ANKRD54: variants seen among roughly 807,000 people sequenced by gnomAD.
The protein encoded by ANKRD54 is ankyrin repeat domain 54, also known as ankyrin repeat domain-containing protein 54.
A neutral mutation model predicts 36.2 loss-of-function variants in ANKRD54; 26 were observed. The observed-to-expected ratio is 0.72, with a 90% confidence interval of 0.53 to 1.00. ANKRD54 has a LOEUF of 1.00. ANKRD54 is among the 50% of genes least tolerant of loss of function. The pLI is 0.00. For synonymous variants in ANKRD54, 209 were observed against 188.4 expected (o/e 1.11, Z -0.89); for missense variants, 384 against 424.3 (o/e 0.91, Z 0.83).
In ANKRD54 at chr22:37,844,179, C is replaced by T. The variant is rs1027210345; in HGVS notation, c.60G>A (p.Glu20=). The T allele has an allele frequency of 4.6e-6, 7 of 1,508,248 alleles. No individual in the cohort carries two copies. In the African/African-American group the frequency reaches 8.7e-5, roughly 19 times the overall value. 93.4% of individuals were successfully genotyped at this position (1,508,248 alleles called of 1,614,324 possible). Residue 20 remains glutamate, a synonymous_variant, in exon 1 of 8, where the codon GAG becomes GAA. Transcript: ENST00000215941. ...DEPRSGHSSS[E]GECAVAPEPL... ...GCTCCGGCGCCACCGCGCACTCGCC[C>T]TCCGAGCTCGAGTGGCCTGAGCGCG...
intron 1 of ANKRD54, among the ~76,000 whole-genome samples, chr22:37,842,661 T>C (rs1164580490): frequency 6.6e-6 from 1 of 152,206 alleles, no homozygotes; most frequent in African/African-American, 2.4e-5. Context: ...TGGTCAAAAA[T>C]TGCAATTCAG....
At chr22:37,836,402 C>T (rs1464595362) in intron 3 of ANKRD54, among the ~76,000 whole-genome samples, 6 of 141,226 alleles carry the variant, frequency 4.2e-5, no homozygotes, top group African/African-American at 1.3e-4. Context: ...GCCGAGATCA[C>T]GCCATTGCAC....
intron 3 of ANKRD54, 79 bp from the exon 4 acceptor site, chr22:37,833,834 G>T: frequency 7.3e-7 from 1 of 1,376,216 alleles, no homozygotes. Flanking sequence ...AGCTAGAGAG[G>T]CTGGCTCAGA....
intron 3 of ANKRD54, among the ~76,000 whole-genome samples, chr22:37,836,711 A>G (rs1923594034): frequency 6.6e-6 from 1 of 151,466 alleles, no homozygotes; most frequent in Non-Finnish European, 1.5e-5. Flanking sequence ...CGTTCTGCAC[A>G]TGCATCCCAG....
intron 3 of ANKRD54, among the ~76,000 whole-genome samples, chr22:37,835,672 G>T (rs1315381038): frequency 1.3e-5 from 2 of 152,098 alleles, no homozygotes; most frequent in East Asian, 3.9e-4. Flanking sequence ...TGGGCTTGGT[G>T]GTGTGCACCT....
At chr22:37,837,207 G>A (rs1438131620) in intron 3 of ANKRD54, among the ~76,000 whole-genome samples, 2 of 152,106 alleles carry the variant, frequency 1.3e-5, no homozygotes, top group East Asian at 3.9e-4. Context: ...GTGGGGAGTG[G>A]GAGTGTGTGT....
chr22:37,844,347 G>A (rs1168994923), upstream of ANKRD54: 11 of 1,315,742 alleles, frequency 8.4e-6, no homozygotes, highest in Middle Eastern at 1.9e-4. Context: ...CGGGCGGGCA[G>A]GGCCCGCAAC....
chr22:37,841,210 GC>G (rs1362892080), intron 1 of ANKRD54, among the ~76,000 whole-genome samples: 1 of 151,950 alleles, frequency 6.6e-6, no homozygotes, highest in African/African-American at 2.4e-5. Context: ...TGGCCAACAT[GC>G]TGAAACCCCA....
chr22:37,844,938 T>G (rs999933569), upstream of ANKRD54, among the ~76,000 whole-genome samples: 6 of 148,544 alleles, frequency 4.0e-5, no homozygotes, highest in Admixed American at 2.1e-4. Flanking sequence ...CAAATCAGAT[T>G]AAGATGATTT....
upstream of ANKRD54, chr22:37,849,215 G>T: frequency 1.7e-6 from 1 of 577,884 alleles, no homozygotes; most frequent in Non-Finnish European, 3.1e-6. Context: ...CAAACCCCCG[G>T]CCTCAGCCTC....
intron 4 of ANKRD54, 130 bp downstream of exon 4, chr22:37,833,554 G>A: frequency 1.0e-6 from 1 of 968,602 alleles, no homozygotes; most frequent in Non-Finnish European, 1.6e-6. Flanking sequence ...TGCAGCCCTG[G>A]GAGTGCAGGC....
At chr22:37,838,667 C>T (rs1484719573) in intron 2 of ANKRD54, 69 bp from the exon 3 acceptor site, 6 of 1,498,254 alleles carry the variant, frequency 4.0e-6, no homozygotes, top group Middle Eastern at 1.7e-4. Flanking sequence ...CAGACCCGAG[C>T]GATGGAGAGG....
upstream of ANKRD54, among the ~76,000 whole-genome samples, chr22:37,844,620 T>C (rs942955119): frequency 2.0e-5 from 3 of 152,064 alleles, no homozygotes; most frequent in Non-Finnish European, 4.4e-5. Flanking sequence ...GGAGTCTCGC[T>C]CTGCCGCCAG....
At chr22:37,847,617 A>G (rs2145999368), upstream of ANKRD54, 4 of 477,662 alleles carry the variant, frequency 8.4e-6, no homozygotes, top group South Asian at 6.8e-5. Context: ...TCACTGTTAC[A>G]ATTTTTGCAA....
intron 1 of ANKRD54, among the ~76,000 whole-genome samples, chr22:37,841,531 AAC>A (rs754859182): frequency 6.7e-4 from 94 of 140,914 alleles, no homozygotes; most frequent in Non-Finnish European, 8.2e-4. Flanking sequence ...GTCTCACACA[AAC>A]ACACACACAC....
At chr22:37,841,893 AAAT>A (rs1198240905) in intron 1 of ANKRD54, among the ~76,000 whole-genome samples, 3 of 13,002 alleles carry the variant, frequency 2.3e-4, no homozygotes, top group Non-Finnish European at 2.4e-4. Flanking sequence ...ATAAATAAAT[AAAT>A]AAAATAAAAA....
At chr22:37,834,586 T>C (rs764718350) in intron 3 of ANKRD54, 3 of 149,272 alleles carry the variant, frequency 2.0e-5, no homozygotes, top group Admixed American at 6.8e-5. Context: ...TAGTCCCAGC[T>C]ACTTGAGAGG....
At chr22:37,849,033 C>G (rs1296531136), upstream of ANKRD54, 4 of 353,272 alleles carry the variant, frequency 1.1e-5, no homozygotes, top group Non-Finnish European at 2.0e-5. Context: ...GTTGCCCAGG[C>G]TAGAGTGCAA....
At chr22:37,834,697 C>CAAAAAAAAAAA (rs67811223) in intron 3 of ANKRD54, 4 of 43,382 alleles carry the variant, frequency 9.2e-5, no homozygotes, top group African/African-American at 9.8e-5. Flanking sequence ...GACCCTGTCT[C>CAAAAAAAAAAA]AAAAAAAAAA....
Sources: allele counts gnomAD v4.1 joint callset (sites outside exome capture counted in the v4.1 genomes callset), GRCh38; gene constraint gnomAD v4.1.1; transcripts MANE v1.5; gene names NCBI Gene and HGNC (gene_info 2026-07-23, HGNC 2026-07-21).